MKNK1: variants seen among roughly 807,000 people sequenced by gnomAD.
The protein encoded by MKNK1 is MAPK interacting serine/threonine kinase 1.
In MKNK1, 30 loss-of-function variants were observed where a neutral mutation model predicts 49.3. The ratio of observed to expected loss-of-function variants is 0.61; its 90% CI spans 0.46 to 0.83. MKNK1 has a LOEUF of 0.83. MKNK1 is among the 40% of genes least tolerant of loss of function. MKNK1 has a pLI of 0.00. For missense variants in MKNK1, 423 were observed against 524.7 expected (o/e 0.81, Z 1.89); for synonymous variants, 176 against 201.7 (o/e 0.87, Z 1.08).
chr1:46,589,141 C>T lies in MKNK1; in HGVS notation c.-3+4972G>A, dbSNP rs1673014087. ...GAGAGTATAAGAGAAGACACAGTCT[C>T]TTCCCTGATGGCGTTTAAATCTGCT... On this transcript the variant is annotated intron_variant, in intron 2 of 12. Transcript: ENST00000371945. The surrounding 1 kb of genome is among the most constrained non-coding windows in gnomAD (Gnocchi z 4.3). Among the ~76,000 whole-genome samples, 1 of 152,262 alleles carries T rather than the reference C, an allele frequency of 6.6e-6. No individual in the cohort carries two copies. Among genetic ancestry groups the T allele is most frequent in the African/African-American group, 2.4e-5 (1 of 41,476 alleles).
chr1:46,586,020 T>C (rs1672513768), intron 2 of MKNK1: 2 of 950,624 alleles, frequency 2.1e-6, no homozygotes, highest in African/African-American at 1.7e-5. Context: ...GAAAGAAACA[T>C]GCTTAGCTTC....
chr1:46,573,140 T>C (rs1451646562), intron 6 of MKNK1, among the ~76,000 whole-genome samples: 1 of 152,156 alleles, frequency 6.6e-6, no homozygotes, highest in Non-Finnish European at 1.5e-5. Flanking sequence ...GAAAAATGGT[T>C]GAGCAACTTG....
At chr1:46,576,713 C>T (rs1159862756) in intron 4 of MKNK1, 59 bp from the exon 5 acceptor site, 9 of 1,416,682 alleles carry the variant, frequency 6.4e-6, no homozygotes, top group Non-Finnish European at 9.0e-6. Flanking sequence ...AGCCCTTTGG[C>T]AGGAGTCCTC....
intron 3 of MKNK1, chr1:46,582,835 C>T (rs1192635963): frequency 1.1e-5 from 5 of 465,158 alleles, no homozygotes; most frequent in South Asian, 3.1e-5. Context: ...GTTTCATTTG[C>T]GGCCATGGCC....
intron 3 of MKNK1, among the ~76,000 whole-genome samples, chr1:46,581,863 A>G (rs1671799605): frequency 6.6e-6 from 1 of 152,004 alleles, no homozygotes; most frequent in Non-Finnish European, 1.5e-5. Flanking sequence ...CAAGCTCACA[A>G]AGAGCACAGC....
intron 3 of MKNK1, among the ~76,000 whole-genome samples, chr1:46,581,508 C>CAAAAAAAAAAAAAA (rs36099600): frequency 2.4e-5 from 1 of 41,634 alleles, no homozygotes; most frequent in African/African-American, 1.1e-4. Context: ...GACCCCATAT[C>CAAAAAAAAAAAAAA]AAAAAAAAAA....
chr1:46,566,883 A>C (rs1345719493), intron 8 of MKNK1, among the ~76,000 whole-genome samples: 1 of 152,166 alleles, frequency 6.6e-6, no homozygotes, highest in Admixed American at 6.5e-5. Context: ...TGGATATTAA[A>C]CCTTGACCAG....
At chr1:46,587,817 C>CA (rs146354532) in intron 2 of MKNK1, among the ~76,000 whole-genome samples, 6,371 of 141,862 alleles carry the variant, frequency 0.045, 165 homozygotes, top group African/African-American at 0.086. Context: ...AACTCCGTCT[C>CA]AAAAAAAAAA....
At chr1:46,573,823 T>TC (rs1447950459) in intron 6 of MKNK1, 2 of 151,294 alleles carry the variant, frequency 1.3e-5, no homozygotes, top group African/African-American at 4.9e-5. Context: ...AACCTCTGCC[T>TC]CCCAGGTTCA....
chr1:46,562,670 G>T lies in MKNK1; in HGVS notation c.783C>A (p.Gly261=). The change falls in exon 10 of 13, where the codon GGC becomes GGA. Residue 261 remains glycine, a synonymous_variant. Transcript: ENST00000371945. ...TCACCTGGCACACCCTGCAGACCTC[G>T]CCCCGGTCCCAGCCACAGTCGGCCC... is the stretch of plus-strand genomic sequence containing the variant. ...HCGADCGWDR[G]EVCRVCQNKL... is the part of the protein sequence containing the mutation. 6.4e-7 allele frequency: 1 copy of T among 1,556,188 alleles called. No homozygotes were observed. The highest frequency in any genetic ancestry group is 8.7e-7 in the Non-Finnish European group (1 of 1,149,558).
intron 9 of MKNK1, among the ~76,000 whole-genome samples, chr1:46,564,044 CAAAAAAAA>C (rs1217205121): frequency 5.1e-5 from 2 of 39,078 alleles, no homozygotes; most frequent in African/African-American, 1.1e-4. Flanking sequence ...GACTCTGTCT[CAAAAAAAA>C]AAAAAAAAAA....
chr1:46,565,005 T>A (rs1342785048), intron 9 of MKNK1, 36 bp downstream of exon 9: 3 of 1,596,300 alleles, frequency 1.9e-6, no homozygotes, highest in Middle Eastern at 1.7e-4. Context: ...AGGGAAACAC[T>A]CCAAATACTT....
chr1:46,566,635 C>T (rs963066403), intron 8 of MKNK1, among the ~76,000 whole-genome samples: 10 of 152,264 alleles, frequency 6.6e-5, no homozygotes, highest in South Asian at 2.1e-4. Context: ...TCTCCATAAC[C>T]GTAACAACAC....
Position 46,562,696 on chromosome 1 carries a change from CG to C in MKNK1, c.756del (p.Cys252TrpfsTer94). 5 of 1,571,744 alleles carry C rather than the reference CG, an allele frequency of 3.2e-6. No homozygotes were observed. The highest frequency in any genetic ancestry group is 4.3e-6 in the Non-Finnish European group (5 of 1,157,458). ...LSGYPPFVGHCGADCGWDRGE... is the reference protein window; with the variant it reads ...LSGYPPFVGHXGADCGWDRGE... ...CCCCGGTCCCAGCCACAGTCGGCCC[CG>C]CAGTGACCCACGAAGGGTGGGTAGC... On this transcript the variant is annotated frameshift_variant, in exon 10 of 13. Transcript: ENST00000371945. LOFTEE classifies it high-confidence loss of function.
chr1:46,588,926 C>T (rs1358109841), intron 2 of MKNK1, among the ~76,000 whole-genome samples: 3 of 152,208 alleles, frequency 2.0e-5, no homozygotes, highest in Admixed American at 2.0e-4. Flanking sequence ...CGAACTGCAG[C>T]AAGCTGCTTA....
At chr1:46,560,757 C>A (rs1667814320) in intron 11 of MKNK1, among the ~76,000 whole-genome samples, 1 of 152,172 alleles carries the variant, frequency 6.6e-6, no homozygotes, top group Admixed American at 6.5e-5. Flanking sequence ...TGGCATGTGG[C>A]AGGTGCTCAC....
intron 8 of MKNK1, 36 bp from the exon 9 acceptor site, chr1:46,565,172 A>G: frequency 6.3e-7 from 1 of 1,595,398 alleles, no homozygotes; most frequent in South Asian, 1.1e-5. Flanking sequence ...TCACAGATAT[A>G]AGAAACTACG....
In MKNK1 at chr1:46,560,231, T is replaced by C. The variant is rs1051671989; in HGVS notation, c.1013+3A>G. ...ATGGCGTGGGGGTGGTCAGAGCATT[T>C]ACCTCTGGAGGACTTGCGGCGTGGG... On this transcript the variant is annotated splice_donor_region_variant and intron_variant, in intron 12 of 12. Transcript: ENST00000371945. 6.2e-7 allele frequency: 1 copy of C among 1,613,946 alleles called. No individual in the cohort carries two copies. Among genetic ancestry groups the C allele is most frequent in the African/African-American group, 1.3e-5 (1 of 74,912 alleles).
chr1:46,598,999 A>G (rs1674405242), intron 1 of MKNK1, among the ~76,000 whole-genome samples: 1 of 152,246 alleles, frequency 6.6e-6, no homozygotes, highest in African/African-American at 2.4e-5. Context: ...ATGAGAATTA[A>G]GTGAGCTAAT....
Sources: gnomAD v4.1 joint callset for allele counts (sites outside exome capture counted in the v4.1 genomes callset) on GRCh38, gnomAD v4.1.1 for gene constraint, Gnocchi (gnomAD v3.1) non-coding constraint, MANE v1.5 for transcripts, NCBI Gene and HGNC (gene_info 2026-07-23, HGNC 2026-07-21) for gene names.